The following NELFE variants were observed in gnomAD, a reference collection of about 807,000 sequenced individuals.
NELFE encodes negative elongation factor E.
A neutral mutation model predicts 55.5 loss-of-function variants in NELFE; 26 were observed. The ratio of observed to expected loss-of-function variants is 0.47; its 90% CI spans 0.34 to 0.65. NELFE has a LOEUF of 0.65. Ranked by LOEUF, NELFE falls within the 30% of genes least tolerant of loss-of-function variation. NELFE has a pLI of 0.01. For missense variants in NELFE, 403 were observed against 506.9 expected, an observed-to-expected ratio of 0.80 and a Z score of 1.97; for synonymous variants, 162 against 178.0, an observed-to-expected ratio of 0.91 and a Z score of 0.72.
At chr6:31,958,584 T>C (rs1245524834) in intron 1 of NELFE, 130 bp from the exon 2 acceptor site, 23 of 783,030 alleles carry the variant, frequency 2.9e-5, no homozygotes, top group South Asian at 1.4e-4. Flanking sequence ...CCCTACCCCT[T>C]GCTTAAACCA....
Position 31,958,950 on chromosome 6 carries a change from A to C in NELFE, c.-67T>G, listed in dbSNP as rs907424837. The C allele has an allele frequency of 6.7e-6, 4 of 599,898 alleles. No homozygotes were observed. Among genetic ancestry groups the C allele is most frequent in the Admixed American group, 3.1e-5 (1 of 32,234 alleles). The allele number at this position is 599,898 out of a possible 1,614,324, so 37.2% of individuals were successfully genotyped here. A position where few individuals can be genotyped will look rare whatever the true frequency, so the allele number is the denominator to read the frequency against. On this transcript the variant is annotated 5_prime_UTR_variant, in exon 1 of 11. Coordinates refer to ENST00000375429, the MANE Select transcript of NELFE (RefSeq NM_002904.6). ...CCGGCCGCGCCCGCGCTGGCCGCTG[A>C]TAGCGGGCTCACAACGATGACGTAG...
chr6:31,954,064 T>A lies in NELFE; in HGVS notation c.942+16A>T, dbSNP rs759648489. ...CAGCAGAAGCGATGGGAAGAACAGA[T>A]TTGGGAAGTTCCAACCTCAGCAACG... is the stretch of plus-strand genomic sequence containing the variant. On this transcript the variant is annotated intron_variant, in intron 9 of 10. Coordinates refer to ENST00000375429, the MANE Select transcript of NELFE (RefSeq NM_002904.6). This position sits in a 1 kb window ranked among gnomAD's most constrained non-coding sequence, Gnocchi z 5.5. 6.2e-7 allele frequency: 1 copy of A among 1,612,818 alleles called. No homozygotes were observed. The highest frequency in any genetic ancestry group is 8.5e-7 in the Non-Finnish European group (1 of 1,179,542).
intron 5 of NELFE, 41 bp from the exon 6 acceptor site, chr6:31,955,137 G>A: frequency 2.5e-6 from 4 of 1,612,578 alleles, no homozygotes; most frequent in African/African-American, 1.3e-5. Context: ...ATTTCCAGTT[G>A]CTGACATGTG....
In NELFE at chr6:31,954,415, G is replaced by A. The variant is rs770058611; in HGVS notation, c.770C>T (p.Ala257Val). 2 of 1,607,366 alleles carry A rather than the reference G, an allele frequency of 1.2e-6. No individual in the cohort carries two copies. Among genetic ancestry groups the A allele is most frequent in the Non-Finnish European group, 1.7e-6 (2 of 1,176,528 alleles). The part of the protein sequence containing the change: ...RRSDSFPERR[A>V]PRKGNTLYVY... ...ATAGAGAGTATTCCCTTTCCTAGGG[G>A]CTCGCCGTTCAGGGAATGAATCCGA... Residue 257 changes from alanine (A) to valine (V), a missense_variant, in exon 8 of 11, where the codon GCC (alanine) becomes GTC (valine). Physicochemically the swap from Ala to Val is moderately conservative, Grantham distance 64. This residue lies in a region of NELFE where 229 missense variants were observed against 228.3 expected (regional missense o/e 1.00). Coordinates refer to ENST00000375429, the MANE Select transcript of NELFE (RefSeq NM_002904.6). This position sits in a 1 kb window ranked among gnomAD's most constrained non-coding sequence, Gnocchi z 5.5.
In NELFE at chr6:31,955,936, AT is replaced by A. The variant is rs35917342; in HGVS notation, c.292-644del. On this transcript the variant is annotated intron_variant, in intron 4 of 10. Transcript: ENST00000375429. ...AAGTGTGCACCACCACATTCTGCTA[AT>A]TTTTTTTTTTTTTGAGACGGAGTCT... Among the ~76,000 whole-genome samples, 476 of 141,164 alleles carry A rather than the reference AT, an allele frequency of 3.4e-3. 1 individual carries two copies. The highest frequency in any genetic ancestry group is 9.1e-3 in the African/African-American group (351 of 38,604). The allele number at this position is 141,164 out of a possible 152,430, so 92.6% of individuals were successfully genotyped here.
At chr6:31,956,388 A>G (rs1367077406) in intron 4 of NELFE, among the ~76,000 whole-genome samples, 1 of 152,152 alleles carries the variant, frequency 6.6e-6, no homozygotes, top group Non-Finnish European at 1.5e-5. Context: ...TATTTTTTAT[A>G]AGTGACTCGA....
intron 4 of NELFE, 81 bp downstream of exon 4, chr6:31,956,612 A>C: frequency 6.9e-7 from 1 of 1,443,224 alleles, no homozygotes; most frequent in Non-Finnish European, 9.5e-7. Context: ...CCAGTGCTTG[A>C]GTATGCATAT....
At chr6:31,956,883 TGAA>T in intron 3 of NELFE, 45 bp from the exon 4 acceptor site, 1 of 1,613,078 alleles carries the variant, frequency 6.2e-7, no homozygotes, top group Non-Finnish European at 8.5e-7. Context: ...CAAGCCATGA[TGAA>T]GGTCAGCTCC....
At position 31,953,763 on chromosome 6, in the gene NELFE, A is replaced by T; in HGVS notation, c.1011T>A (p.Asp337Glu). The T allele has an allele frequency of 6.2e-7, 1 of 1,613,094 alleles. No homozygotes were observed. Among genetic ancestry groups the T allele is most frequent in the Non-Finnish European group, 8.5e-7 (1 of 1,180,022 alleles). ...CCCAGACAGACTTGCCAGTAGCGGCATCCAGCATGGGCTGTTTTCGGGCTA... is the reference window on the plus strand; with the variant it reads ...CCCAGACAGACTTGCCAGTAGCGGCTTCCAGCATGGGCTGTTTTCGGGCTA... ...VNIARKQPML[D>E]AATGKSVWGS... Residue 337 changes from aspartate (D) to glutamate (E), a missense_variant, in exon 10 of 11, where the codon GAT (aspartate) becomes GAA (glutamate). Physicochemically the swap from Asp to Glu is conservative, Grantham distance 45. Around this residue, in one of 3 missense-constraint regions of NELFE, gnomAD observed 77 missense variants for 123.3 expected, o/e 0.62. Transcript: ENST00000375429.
chr6:31,955,635 T>G (rs1772039989), intron 4 of NELFE, among the ~76,000 whole-genome samples: 1 of 151,114 alleles, frequency 6.6e-6, no homozygotes, highest in Non-Finnish European at 1.5e-5. Context: ...TTTTTTTTTT[T>G]TTTGTAGAGA....
Position 31,952,396 on chromosome 6 carries a change from C to T in NELFE, c.1048G>A (p.Val350Ile), listed in dbSNP as rs970357096. 2.5e-6 allele frequency: 4 copies of T among 1,612,232 alleles called. No homozygotes were observed. The highest frequency in any genetic ancestry group is 2.5e-6 in the Non-Finnish European group (3 of 1,178,354). Reference sequence around the variant, plus strand: ...TGGCAACCCTTAGGGCTGTTCTGGACAGCTAGGGAGGGAGGAGAGGAACAG... The same window carrying T: ...TGGCAACCCTTAGGGCTGTTCTGGATAGCTAGGGAGGGAGGAGAGGAACAG... ...TGKSVWGSLA[V>I]QNSPKGCHRD... Residue 350 changes from valine (V) to isoleucine (I), a missense_variant and splice_region_variant, in exon 11 of 11, where the codon GTC becomes ATC. Physicochemically the swap from Val to Ile is conservative, Grantham distance 29 (BLOSUM62 3). Transcript: ENST00000375429.
In NELFE at chr6:31,958,462, A is replaced by C. The variant is rs745608096; in HGVS notation, c.-8-8T>G. 16 of 1,611,794 alleles carry C rather than the reference A, an allele frequency of 9.9e-6. No homozygotes were observed. In the African/African-American group the frequency reaches 1.5e-4, roughly 15 times the overall value. Reference sequence around the variant, plus strand: ...TCACCAACATGGTGGCTCCTAGTTCAGGGGCAGGGCCCAAGACATCTTTCT... The same window carrying C: ...TCACCAACATGGTGGCTCCTAGTTCCGGGGCAGGGCCCAAGACATCTTTCT... On this transcript the variant is annotated splice_region_variant and splice_polypyrimidine_tract_variant and intron_variant, in intron 1 of 10. Coordinates refer to ENST00000375429, the MANE Select transcript of NELFE (RefSeq NM_002904.6).
intron 4 of NELFE, 36 bp downstream of exon 4, chr6:31,956,657 G>C: frequency 6.4e-7 from 1 of 1,567,778 alleles, no homozygotes; most frequent in Non-Finnish European, 8.7e-7. Flanking sequence ...CAACTTGGAG[G>C]GATGCCCTTT....
intron 4 of NELFE, 106 bp from the exon 5 acceptor site, chr6:31,955,399 T>C: frequency 1.3e-6 from 1 of 757,108 alleles, no homozygotes; most frequent in Non-Finnish European, 2.1e-6. Context: ...TCTGATCTTT[T>C]CTTCCCTTTT....
In NELFE at chr6:31,954,344, A is replaced by C. The variant is rs1005695627; in HGVS notation, c.841T>G (p.Ser281Ala). Residue 281 changes from serine to alanine, a missense_variant, in exon 8 of 11, where the codon TCT becomes GCT. Physicochemically the swap from Ser to Ala is moderately conservative, Grantham distance 99. Around this residue, in one of 3 missense-constraint regions of NELFE, gnomAD observed 229 missense variants for 228.3 expected, o/e 1.00. Transcript: ENST00000375429. This position sits in a 1 kb window ranked among gnomAD's most constrained non-coding sequence, Gnocchi z 5.5. ...MTPTLLRGAFSPFGNIIDLSM... is the reference protein window; with the variant it reads ...MTPTLLRGAFAPFGNIIDLSM... ...AGGTCAATGATGTTTCCAAAAGGAG[A>C]GAAGGCCCCACGGAGAAGGGTGGGT... 6.2e-7 allele frequency: 1 copy of C among 1,613,564 alleles called. No individual in the cohort carries two copies. Among genetic ancestry groups the C allele is most frequent in the African/African-American group, 1.3e-5 (1 of 74,880 alleles).
chr6:31,954,959 C>T lies in NELFE; in HGVS notation c.405-67G>A. 1.2e-6 allele frequency: 2 copies of T among 1,608,870 alleles called. No homozygotes were observed. The highest frequency in any genetic ancestry group is 1.7e-6 in the Non-Finnish European group (2 of 1,177,296). On this transcript the variant is annotated intron_variant, in intron 6 of 10. Coordinates refer to ENST00000375429, the MANE Select transcript of NELFE (RefSeq NM_002904.6). This position sits in a 1 kb window ranked among gnomAD's most constrained non-coding sequence, Gnocchi z 5.5. ...TCTCCCCTCAGACCCTGTGGAGACT[C>T]AATATTCCCTCTATAGCCCAGCTCC...
At position 31,953,748 on chromosome 6, in the gene NELFE, CT is replaced by C; in HGVS notation, c.1025del (p.Lys342SerfsTer60). 6.2e-7 allele frequency: 1 copy of C among 1,612,990 alleles called. No individual in the cohort carries two copies. The highest frequency in any genetic ancestry group is 2.2e-5 in the East Asian group (1 of 44,882). The stretch of plus-strand genomic sequence containing the variant: ...TCTTACCGAGGGAGCCCCAGACAGA[CT>C]TGCCAGTAGCGGCATCCAGCATGGG... ...KQPMLDAATG[K>X]SVWGSLAVQN... On this transcript the variant is annotated frameshift_variant, in exon 10 of 11. Coordinates refer to ENST00000375429, the MANE Select transcript of NELFE (RefSeq NM_002904.6). LOFTEE classifies it high-confidence loss of function.
At position 31,952,116 on chromosome 6, in the gene NELFE, G is replaced by A; in HGVS notation, c.*185C>T. The A allele has an allele frequency of 6.4e-7, 1 of 1,570,674 alleles. No homozygotes were observed. The highest frequency in any genetic ancestry group is 8.7e-7 in the Non-Finnish European group (1 of 1,145,680). On this transcript the variant is annotated 3_prime_UTR_variant, in exon 11 of 11. Transcript: ENST00000375429. ...TTCCAGATCCTTTTGGGGCAAGGGA[G>A]TGGGGAACAGGCACTGGCCATGTTG...
Position 31,954,872 on chromosome 6 carries a change from C to G in NELFE, c.425G>C (p.Arg142Pro), listed in dbSNP as rs747856345. The change falls in exon 7 of 11, where the codon CGA becomes CCA. Residue 142 changes from arginine to proline, a missense_variant. Arg to Pro is a moderately radical substitution (Grantham distance 103, BLOSUM62 -2). Coordinates refer to ENST00000375429, the MANE Select transcript of NELFE (RefSeq NM_002904.6). The surrounding 1 kb of genome is among the most constrained non-coding windows in gnomAD (Gnocchi z 5.5). ...TCCATCTGGTCCTAGTTCTCGAAGT[C>G]GATCACTAGAAGACACAAAGCTGGG... Reference protein sequence around the residue: ...LYESFVSSSDRLRELGPDGEE... With the variant: ...LYESFVSSSDPLRELGPDGEE... 6.4e-7 allele frequency: 1 copy of G among 1,565,312 alleles called. No individual in the cohort carries two copies. The highest frequency in any genetic ancestry group is 1.2e-5 in the South Asian group (1 of 83,494).
Sources: allele counts gnomAD v4.1 joint callset (sites outside exome capture counted in the v4.1 genomes callset), GRCh38; gene constraint gnomAD v4.1.1; regional missense constraint gnomAD v4.1.1; non-coding constraint Gnocchi (gnomAD v3.1); transcripts MANE v1.5; gene names NCBI Gene and HGNC (gene_info 2026-07-23, HGNC 2026-07-21).